IL1A: variants seen among roughly 807,000 people sequenced by gnomAD.
IL1A encodes interleukin-1 alpha.
Under a neutral mutation model 22.2 loss-of-function variants are expected in IL1A, and 16 were observed. That is an observed-to-expected ratio of 0.72 (90% CI 0.49 to 1.09). The LOEUF is 1.09. IL1A is among the 50% of genes least tolerant of loss of function. The pLI is 0.00. For synonymous variants in IL1A, 113 were observed against 118.5 expected (o/e 0.95, Z 0.30); for missense variants, 317 against 321.8 (o/e 0.99, Z 0.11).
chr2:112,777,714 G>A, intron 6 of IL1A, among the ~76,000 whole-genome samples: 1 of 152,216 alleles, frequency 6.6e-6, no homozygotes, highest in Admixed American at 6.5e-5. Flanking sequence ...AAGATCAATG[G>A]AATAAATGGA....
chr2:112,774,941 C>T lies in IL1A; in HGVS notation c.*126G>A, dbSNP rs1224064037. On this transcript the variant is annotated 3_prime_UTR_variant, in exon 7 of 7. Coordinates refer to ENST00000263339, the MANE Select transcript of IL1A (RefSeq NM_000575.5). Reference sequence around the variant, plus strand: ...CACTCTTACAAAGAGTGTAAACATTCATTTAGAATTACAAGGCTCAGTACA... The same window carrying T: ...CACTCTTACAAAGAGTGTAAACATTTATTTAGAATTACAAGGCTCAGTACA... 2 of 684,562 alleles carry T rather than the reference C, an allele frequency of 2.9e-6. No individual in the cohort carries two copies. Among genetic ancestry groups the T allele is most frequent in the African/African-American group, 3.6e-5 (2 of 55,644 alleles). 42.4% of individuals were successfully genotyped at this position (684,562 alleles called of 1,614,324 possible).
chr2:112,783,771 C>T lies in IL1A; in HGVS notation c.-1G>A. On this transcript the variant is annotated 5_prime_UTR_variant, in exon 2 of 7. Coordinates refer to ENST00000263339, the MANE Select transcript of IL1A (RefSeq NM_000575.5). Reference sequence around the variant, plus strand: ...CAAACATGTCTGGAACTTTGGCCATCTTGACTTCTGCAACAGAGAACACCA... The same window carrying T: ...CAAACATGTCTGGAACTTTGGCCATTTTGACTTCTGCAACAGAGAACACCA... 6.2e-7 allele frequency: 1 copy of T among 1,614,050 alleles called. No individual in the cohort carries two copies. Among genetic ancestry groups the T allele is most frequent in the Non-Finnish European group, 8.5e-7 (1 of 1,179,894 alleles).
intron 1 of IL1A, 38 bp from the exon 2 acceptor site, chr2:112,783,816 G>A: frequency 6.3e-7 from 1 of 1,586,228 alleles, no homozygotes; most frequent in Non-Finnish European, 8.7e-7. Flanking sequence ...AGCTCAGCCA[G>A]CCTCTAATCC....
intron 4 of IL1A, 103 bp from the exon 5 acceptor site, chr2:112,779,769 G>T: frequency 2.8e-6 from 2 of 720,236 alleles, no homozygotes; most frequent in Non-Finnish European, 4.2e-6. Flanking sequence ...GGGATATTAG[G>T]AATATTCCAA....
chr2:112,778,036 G>A lies in IL1A; in HGVS notation c.566C>T (p.Thr189Ile). Residue 189 changes from threonine (T) to isoleucine (I), a missense_variant, in exon 6 of 7, where the codon ACT becomes ATT. Coordinates refer to ENST00000263339, the MANE Select transcript of IL1A (RefSeq NM_000575.5). Reference sequence around the variant, plus strand: ...ATCTTGGGCAGTCACATACAATTGAGTTTTTGAGATTCTTAGAATCACGGT... The same window carrying A: ...ATCTTGGGCAGTCACATACAATTGAATTTTTGAGATTCTTAGAATCACGGT... ...KITVILRISK[T>I]QLYVTAQDED... The A allele has an allele frequency of 6.2e-7, 1 of 1,614,158 alleles. No homozygotes were observed. The highest frequency in any genetic ancestry group is 8.5e-7 in the Non-Finnish European group (1 of 1,179,994).
At chr2:112,778,227 TGTGTG>T in intron 5 of IL1A, 116 bp from the exon 6 acceptor site, 1 of 896,560 alleles carries the variant, frequency 1.1e-6, no homozygotes, top group South Asian at 1.6e-5. Flanking sequence ...TGTGTGTGTG[TGTGTG>T]TAGTTAGGTC....
At chr2:112,778,179 G>A (rs1406415548) in intron 5 of IL1A, 68 bp from the exon 6 acceptor site, 1 of 1,337,484 alleles carries the variant, frequency 7.5e-7, no homozygotes, top group Non-Finnish European at 1.0e-6. Context: ...TGTTGATGTA[G>A]ATTGTGTGTG....
At chr2:112,782,887 T>C in intron 2 of IL1A, 123 bp from the exon 3 acceptor site, 2 of 681,162 alleles carry the variant, frequency 2.9e-6, no homozygotes, top group Non-Finnish European at 5.2e-6. Flanking sequence ...CTGTCATCTT[T>C]GAAATTTAAG....
rs1681080250 is a variant in IL1A at position 112,775,209 on chromosome 2, C to T, written c.674G>A (p.Trp225Ter). ...TGSETNLLFF[W>*]ETHGTKNYFT... is the part of the protein sequence containing the mutation. ...ATAGTTCTTAGTGCCGTGAGTTTCCCAGAAGAAGAGGAGGTTGGTCTCACT... is the reference window on the plus strand; with the variant it reads ...ATAGTTCTTAGTGCCGTGAGTTTCCTAGAAGAAGAGGAGGTTGGTCTCACT... The change falls in exon 7 of 7, where the codon TGG becomes TAG. Residue 225 changes from tryptophan to a stop codon, truncating the protein, a stop_gained. Transcript: ENST00000263339. LOFTEE classifies it low-confidence loss of function (END_TRUNC). The T allele has an allele frequency of 1.2e-6, 2 of 1,614,188 alleles. No individual in the cohort carries two copies. Among genetic ancestry groups the T allele is most frequent in the Non-Finnish European group, 1.7e-6 (2 of 1,180,022 alleles).
intron 3 of IL1A, 35 bp downstream of exon 3, chr2:112,782,681 T>C (rs1315389819): frequency 1.4e-6 from 2 of 1,462,196 alleles, no homozygotes; most frequent in Non-Finnish European, 1.9e-6. Flanking sequence ...TGTGTAAGAA[T>C]AGCAGTCCCA....
At position 112,775,167 on chromosome 2, in the gene IL1A, T is replaced by C; in HGVS notation, c.716A>G (p.His239Arg). 2 of 1,614,196 alleles carry C rather than the reference T, an allele frequency of 1.2e-6. No individual in the cohort carries two copies. The highest frequency in any genetic ancestry group is 1.7e-6 in the Non-Finnish European group (2 of 1,180,032). Residue 239 changes from histidine to arginine, a missense_variant, in exon 7 of 7, where the codon CAT (histidine) becomes CGT (arginine). Coordinates refer to ENST00000263339, the MANE Select transcript of IL1A (RefSeq NM_000575.5). Reference sequence around the variant, plus strand: ...CTTTGTGGCAATAAACAAGTTTGGATGGGCAACTGATGTGAAATAGTTCTT... The same window carrying C: ...CTTTGTGGCAATAAACAAGTTTGGACGGGCAACTGATGTGAAATAGTTCTT... The part of the protein sequence containing the change: ...GTKNYFTSVA[H>R]PNLFIATKQD...
rs1489597728 is a variant in IL1A at position 112,774,372 on chromosome 2, C to G, written c.*695G>C. 1 of 151,464 alleles carries G rather than the reference C, an allele frequency of 6.6e-6. No homozygotes were observed. Among genetic ancestry groups the G allele is most frequent in the African/African-American group, 2.4e-5 (1 of 41,286 alleles). The allele number at this position is 151,464 out of a possible 1,614,324, so 9.4% of individuals were successfully genotyped here. On this transcript the variant is annotated 3_prime_UTR_variant, in exon 7 of 7. Coordinates refer to ENST00000263339, the MANE Select transcript of IL1A (RefSeq NM_000575.5). ...TCTGCTATTGTGGAGGATGCCTGGT[C>G]ACACTCAGAGGATGAAGGGGTTCCC... is the stretch of plus-strand genomic sequence containing the variant.
rs77571302 is a variant in IL1A at position 112,780,044 on chromosome 2, T to C, written c.320-378A>G. Among the ~76,000 whole-genome samples the C allele has an allele frequency of 3.2e-3, 489 of 152,330 alleles. 8 individuals carry two copies. The East Asian group carries it at 0.047, about 15-fold the overall frequency. Reference sequence around the variant, plus strand: ...AAAAAGAATGCATTAAAAATAATTATATATGTCACAGAGAGTGCAAAGTGG... The same window carrying C: ...AAAAAGAATGCATTAAAAATAATTACATATGTCACAGAGAGTGCAAAGTGG... On this transcript the variant is annotated intron_variant, in intron 4 of 6. Transcript: ENST00000263339.
At chr2:112,784,162 G>C (rs1044315994) in intron 1 of IL1A, among the ~76,000 whole-genome samples, 1 of 152,228 alleles carries the variant, frequency 6.6e-6, no homozygotes, top group African/African-American at 2.4e-5. Context: ...ATTTTGGATA[G>C]TAGAGATTCC....
chr2:112,778,465 A>G (rs1681139893), intron 5 of IL1A, among the ~76,000 whole-genome samples: 1 of 152,126 alleles, frequency 6.6e-6, no homozygotes, highest in Non-Finnish European at 1.5e-5. Flanking sequence ...GTTCATAATG[A>G]CCTAACATGG....
At position 112,774,113 on chromosome 2, in the gene IL1A, T is replaced by C. The variant is rs1681054442; in HGVS notation, c.*954A>G. ...AAAGTTGAGTTCATCTAATTTTAGC[T>C]TGTAGGACTTGATTGCAGGTGGAAT... On this transcript the variant is annotated 3_prime_UTR_variant, in exon 7 of 7. Transcript: ENST00000263339. 1 of 139,348 alleles carries C rather than the reference T, an allele frequency of 7.2e-6. No individual in the cohort carries two copies. The highest frequency in any genetic ancestry group is 1.5e-5 in the Non-Finnish European group (1 of 64,578). 8.6% of individuals were successfully genotyped at this position (139,348 alleles called of 1,614,324 possible).
chr2:112,778,611 T>G (rs1341836355), intron 5 of IL1A, among the ~76,000 whole-genome samples: 3 of 152,176 alleles, frequency 2.0e-5, no homozygotes, highest in African/African-American at 4.8e-5. Flanking sequence ...CTCTTTGGGA[T>G]GTGCTCAAAG....
intron 4 of IL1A, 88 bp from the exon 5 acceptor site, chr2:112,779,754 T>C: frequency 1.1e-6 from 1 of 916,622 alleles, no homozygotes. Context: ...AAAATAGTTC[T>C]GGAGGGGATA....
chr2:112,775,673 C>T (rs1206227190), intron 6 of IL1A, among the ~76,000 whole-genome samples: 1 of 90,000 alleles, frequency 1.1e-5, no homozygotes, highest in East Asian at 2.1e-4. Flanking sequence ...TCCAAGTGAA[C>T]AAATCATACC....
Sources: gnomAD v4.1 joint callset for allele counts (sites outside exome capture counted in the v4.1 genomes callset) on GRCh38, gnomAD v4.1.1 for gene constraint, MANE v1.5 for transcripts, NCBI Gene and HGNC (gene_info 2026-07-23, HGNC 2026-07-21) for gene names.